The following ADAMTS14 variants were observed in gnomAD, a reference collection of about 807,000 sequenced individuals.
ADAMTS14 encodes the protein A disintegrin and metalloproteinase with thrombospondin motifs 14.
Under a neutral mutation model 128.6 loss-of-function variants are expected in ADAMTS14, and 100 were observed. The observed-to-expected ratio is 0.78, with a 90% CI of 0.66 to 0.92. The LOEUF is 0.92. Among genes scored for constraint, ADAMTS14 ranks in the 40% least tolerant of loss-of-function variants. The probability of loss-of-function intolerance (pLI) is 0.00; values close to 1 mark genes in which losing one functional copy is unlikely to be tolerated. For synonymous variants in ADAMTS14, 665 were observed against 653.8 expected (o/e 1.02, Z -0.26); for missense variants, 1,562 against 1,658.6 (o/e 0.94, Z 1.01).
intron 3 of ADAMTS14, among the ~76,000 whole-genome samples, chr10:70,706,448 T>C (rs56168490): frequency 0.03 from 4,574 of 152,316 alleles, 211 homozygotes; most frequent in African/African-American, 0.1. Context: ...GTGACTGTTA[T>C]TTTTCTCCCT....
chr10:70,736,888 C>A, intron 10 of ADAMTS14, 95 bp downstream of exon 10: 1 of 1,117,666 alleles, frequency 8.9e-7, no homozygotes, highest in Non-Finnish European at 1.3e-6. Context: ...CCTGACCCCT[C>A]CCTCCAAGTG....
chr10:70,757,568 A>C (rs554713187), intron 19 of ADAMTS14, among the ~76,000 whole-genome samples: 2 of 152,222 alleles, frequency 1.3e-5, no homozygotes, highest in Non-Finnish European at 2.9e-5. Context: ...GCAACAGGGG[A>C]GTTTGCTAGA....
intron 2 of ADAMTS14, among the ~76,000 whole-genome samples, chr10:70,698,799 C>G (rs1840408600): frequency 6.6e-6 from 1 of 152,184 alleles, no homozygotes; most frequent in Non-Finnish European, 1.5e-5. Flanking sequence ...AAAGACAGAT[C>G]TTTTAACCCT....
chr10:70,694,835 T>C (rs544402179), intron 2 of ADAMTS14, among the ~76,000 whole-genome samples: 39 of 152,390 alleles, frequency 2.6e-4, no homozygotes, highest in Admixed American at 9.8e-4. Context: ...GGAATAATGC[T>C]ATGAACAACT....
intron 2 of ADAMTS14, among the ~76,000 whole-genome samples, chr10:70,690,355 A>T (rs912798750): frequency 6.9e-6 from 1 of 144,166 alleles, no homozygotes; most frequent in African/African-American, 2.5e-5. Flanking sequence ...CTTCTGGCCA[A>T]TTGTGTTTCA....
chr10:70,741,741 T>C (rs72814592), intron 12 of ADAMTS14, among the ~76,000 whole-genome samples: 4,563 of 152,322 alleles, frequency 0.03, 66 homozygotes, highest in African/African-American at 0.039. Context: ...ACAGGACTTC[T>C]AGACTCCTGT....
rs148731742 is a variant in ADAMTS14 at position 70,705,439 on chromosome 10, C to T, written c.679+2971C>T. Among the ~76,000 whole-genome samples the T allele has an allele frequency of 2.6e-3, 400 of 152,344 alleles. 3 individuals are homozygous for T. Among genetic ancestry groups the T allele is most frequent in the Middle Eastern group, 0.01 (3 of 294 alleles). On this transcript the variant is annotated intron_variant, in intron 3 of 21. Coordinates refer to ENST00000373207, the MANE Select transcript of ADAMTS14 (RefSeq NM_080722.4). ...CCGCCAGCCGGGCTGGGGCTCAGGG[C>T]GGCTGCTTTACAAGCAATTGAGATA...
At chr10:70,741,908 C>T (rs1842012571) in intron 12 of ADAMTS14, among the ~76,000 whole-genome samples, 1 of 152,154 alleles carries the variant, frequency 6.6e-6, no homozygotes, top group South Asian at 2.1e-4. Flanking sequence ...TCCTCTGATT[C>T]CAGCTTTCCC....
At chr10:70,736,407 T>C (rs769487166) in intron 9 of ADAMTS14, among the ~76,000 whole-genome samples, 3 of 152,092 alleles carry the variant, frequency 2.0e-5, no homozygotes, top group Non-Finnish European at 4.4e-5. Flanking sequence ...AAATGGCCTC[T>C]GTAAAGCGGG....
At chr10:70,684,199 G>C (rs569882990) in intron 2 of ADAMTS14, among the ~76,000 whole-genome samples, 6 of 152,132 alleles carry the variant, frequency 3.9e-5, no homozygotes, top group South Asian at 4.2e-4. Context: ...CTCATTCACT[G>C]TCACGGTAAC....
intron 2 of ADAMTS14, among the ~76,000 whole-genome samples, chr10:70,680,273 G>T (rs575299657): frequency 6.6e-6 from 1 of 151,524 alleles, no homozygotes; most frequent in Non-Finnish European, 1.5e-5. Context: ...TGGTGGGGAT[G>T]CCTGTAATCC....
At chr10:70,692,351 C>T (rs1303653285) in intron 2 of ADAMTS14, among the ~76,000 whole-genome samples, 1 of 152,186 alleles carries the variant, frequency 6.6e-6, no homozygotes, top group African/African-American at 2.4e-5. Flanking sequence ...ATTTCATCTT[C>T]CCATCCACTC....
At chr10:70,693,732 C>G (rs757366736) in intron 2 of ADAMTS14, among the ~76,000 whole-genome samples, 1 of 152,244 alleles carries the variant, frequency 6.6e-6, no homozygotes, top group Non-Finnish European at 1.5e-5. Context: ...CTGGGCTCAG[C>G]AAGACCTCAG....
intron 3 of ADAMTS14, among the ~76,000 whole-genome samples, chr10:70,708,381 G>T (rs1840729545): frequency 6.6e-6 from 1 of 152,198 alleles, no homozygotes; most frequent in African/African-American, 2.4e-5. Flanking sequence ...GCTACTCATT[G>T]CTTCAAAGAT....
At chr10:70,674,320 T>G (rs1839574228) in intron 1 of ADAMTS14, among the ~76,000 whole-genome samples, 1 of 152,164 alleles carries the variant, frequency 6.6e-6, no homozygotes, top group Non-Finnish European at 1.5e-5. Context: ...CTGCTAAGTT[T>G]AAAAAGGACC....
Position 70,674,897 on chromosome 10 carries a change from G to A in ADAMTS14, c.424G>A (p.Glu142Lys), listed in dbSNP as rs754610594. 5.6e-6 allele frequency: 9 copies of A among 1,613,332 alleles called. No individual in the cohort carries two copies. The highest frequency in any genetic ancestry group is 7.6e-6 in the Non-Finnish European group (9 of 1,180,042). The change falls in exon 2 of 22, where the codon GAG (glutamate) becomes AAG (lysine). Residue 142 changes from glutamate to lysine, a missense_variant. By Grantham distance (56) the Glu-to-Lys change is moderately conservative. Coordinates refer to ENST00000373207, the MANE Select transcript of ADAMTS14 (RefSeq NM_080722.4). ...SSVEWQEDFR[E>K]LFRQPLRQEC... ...AGTGGAGTGGCAGGAGGATTTTCGG[G>A]AGCTGTTCCGGCAGCCCTTACGGCA...
chr10:70,730,389 A>G, intron 6 of ADAMTS14, 140 bp downstream of exon 6: 1 of 1,215,080 alleles, frequency 8.2e-7, no homozygotes. Context: ...ACAGCCGAGG[A>G]TGAGCTTTGC....
intron 2 of ADAMTS14, among the ~76,000 whole-genome samples, chr10:70,695,287 T>C (rs1431704561): frequency 6.6e-6 from 1 of 152,194 alleles, no homozygotes; most frequent in Non-Finnish European, 1.5e-5. Context: ...CGGTCTCTCA[T>C]GTCTTTTTGC....
intron 15 of ADAMTS14, 147 bp from the exon 16 acceptor site, chr10:70,749,675 C>A: frequency 1.1e-6 from 1 of 927,332 alleles, no homozygotes; most frequent in Non-Finnish European, 1.6e-6. Flanking sequence ...GTTGACCTGT[C>A]TGACTCGGGA....
Sources: allele counts gnomAD v4.1 joint callset (sites outside exome capture counted in the v4.1 genomes callset), GRCh38; gene constraint gnomAD v4.1.1; transcripts MANE v1.5; gene names NCBI Gene and HGNC (gene_info 2026-07-23, HGNC 2026-07-21).